The following CORIN variants were observed in gnomAD, a reference collection of about 807,000 sequenced individuals.
CORIN encodes atrial natriuretic peptide-converting enzyme.
In CORIN, 117 loss-of-function variants were observed where a neutral mutation model predicts 125.3. The observed-to-expected ratio is 0.93, with a 90% confidence interval of 0.80 to 1.09. The LOEUF is 1.09. Among genes scored for constraint, CORIN ranks in the 50% least tolerant of loss-of-function variants. The pLI, the probability that CORIN is intolerant of heterozygous loss-of-function variation, is 0.00. For synonymous variants in CORIN, 450 were observed against 466.4 expected, an observed-to-expected ratio of 0.96 and a Z score of 0.45; for missense variants, 1,253 against 1,306.7, an observed-to-expected ratio of 0.96 and a Z score of 0.63.
chr4:47,736,674 C>G (rs1046655970), intron 5 of CORIN, among the ~76,000 whole-genome samples: 2 of 151,868 alleles, frequency 1.3e-5, no homozygotes, highest in African/African-American at 4.8e-5. Flanking sequence ...CAGTCGTTCC[C>G]CTCTATGTGT....
In CORIN at chr4:47,649,476, G is replaced by A. The variant is rs374280189; in HGVS notation, c.1843+4077C>T. Among the ~76,000 whole-genome samples the A allele has an allele frequency of 1.7e-4, 26 of 152,280 alleles. No homozygotes were observed. In the South Asian group the frequency reaches 2.7e-3, roughly 16 times the overall value. ...GCTGGGGCAGCCTTTGAAAGGAATC[G>A]CCTCCTGATTTTCCACCACCACAGC... On this transcript the variant is annotated intron_variant, in intron 13 of 21. Transcript: ENST00000273857.
intron 5 of CORIN, among the ~76,000 whole-genome samples, chr4:47,737,730 T>C (rs986699615): frequency 1.3e-5 from 2 of 152,222 alleles, no homozygotes; most frequent in Admixed American, 6.5e-5. Flanking sequence ...TTTTAGCACC[T>C]AGTGTCAGAC....
chr4:47,749,305 C>A (rs767915316), intron 4 of CORIN, among the ~76,000 whole-genome samples: 46 of 152,130 alleles, frequency 3.0e-4, no homozygotes, highest in Non-Finnish European at 1.0e-4. Context: ...AAGATTGTGA[C>A]TTCTGCATTG....
At chr4:47,769,562 C>T (rs934213780) in intron 3 of CORIN, among the ~76,000 whole-genome samples, 1 of 151,434 alleles carries the variant, frequency 6.6e-6, no homozygotes, top group African/African-American at 2.4e-5. Context: ...AAACAAAGAA[C>T]CAAAAAAAAA....
intron 10 of CORIN, among the ~76,000 whole-genome samples, chr4:47,673,469 G>A (rs957589558): frequency 2.0e-5 from 3 of 151,520 alleles, no homozygotes; most frequent in Non-Finnish European, 4.4e-5. Context: ...GCAGCAAAAA[G>A]TTCATTAGAA....
At chr4:47,743,677 G>C (rs563792821) in intron 5 of CORIN, among the ~76,000 whole-genome samples, 82 of 152,352 alleles carry the variant, frequency 5.4e-4, no homozygotes, top group African/African-American at 1.9e-3. Context: ...ACGACATAAG[G>C]AGTTCAAGAC....
chr4:47,628,716 T>C (rs190584705), intron 16 of CORIN, among the ~76,000 whole-genome samples: 60 of 152,272 alleles, frequency 3.9e-4, no homozygotes, highest in Admixed American at 2.0e-3. Context: ...CATGCAGTGT[T>C]TGTCTTTCTG....
At chr4:47,626,287 A>G (rs1722559597) in intron 17 of CORIN, 118 bp downstream of exon 17, 2 of 671,696 alleles carry the variant, frequency 3.0e-6, no homozygotes, top group Non-Finnish European at 5.4e-6. Flanking sequence ...ATCTATGGAA[A>G]CTCTTTACTG....
In CORIN at chr4:47,763,568, G is replaced by T. The variant is rs144005444; in HGVS notation, c.428C>A (p.Thr143Asn). 1.2e-5 allele frequency: 19 copies of T among 1,613,934 alleles called. No individual in the cohort carries two copies. The African/African-American group carries it at 1.6e-4, about 14-fold the overall frequency. The change falls in exon 4 of 22, where the codon ACC becomes AAC. Residue 143 changes from threonine (T) to asparagine (N), a missense_variant. Physicochemically the swap from Thr to Asn is moderately conservative, Grantham distance 65. Coordinates refer to ENST00000273857, the MANE Select transcript of CORIN (RefSeq NM_006587.4). ...GGGCAGCATCTGACACTGGCTGTGGGTGATGTTCATACAGGCACCTGGGAA... is the reference window on the plus strand; with the variant it reads ...GGGCAGCATCTGACACTGGCTGTGGTTGATGTTCATACAGGCACCTGGGAA... ...HRNTSACMNI[T>N]HSQCQMLPYH...
At chr4:47,609,564 T>C (rs1423420194) in intron 19 of CORIN, among the ~76,000 whole-genome samples, 1 of 151,152 alleles carries the variant, frequency 6.6e-6, no homozygotes, top group Admixed American at 6.7e-5. Flanking sequence ...TAAAAAATTA[T>C]CTGTAACAGG....
intron 5 of CORIN, among the ~76,000 whole-genome samples, chr4:47,734,836 C>G (rs904903713): frequency 1.3e-5 from 2 of 152,166 alleles, no homozygotes; most frequent in Admixed American, 1.3e-4. Flanking sequence ...TAGCAACTCC[C>G]CCTGTTCTCA....
chr4:47,751,384 A>T lies in CORIN; in HGVS notation c.618-6801T>A, dbSNP rs115377290. On this transcript the variant is annotated intron_variant, in intron 4 of 21. Coordinates refer to ENST00000273857, the MANE Select transcript of CORIN (RefSeq NM_006587.4). ...AAAGCCTTTGCCTTCCAGTCAACTT[A>T]GACATTCATATGCAAATAATCACTA... 3.6e-3 allele frequency among the ~76,000 whole-genome samples: 550 copies of T among 152,320 alleles called. 4 individuals are homozygous for T. Among genetic ancestry groups the T allele is most frequent in the African/African-American group, 0.013 (535 of 41,578 alleles).
chr4:47,686,721 A>G (rs1202190714), intron 6 of CORIN, among the ~76,000 whole-genome samples: 3 of 152,210 alleles, frequency 2.0e-5, no homozygotes, highest in African/African-American at 7.2e-5. Flanking sequence ...CCGGGAAATA[A>G]GGCTTCTCAA....
intron 16 of CORIN, 61 bp from the exon 17 acceptor site, chr4:47,626,582 T>G: frequency 9.7e-7 from 1 of 1,028,370 alleles, no homozygotes; most frequent in Non-Finnish European, 1.5e-6. Flanking sequence ...ACAGGCATTA[T>G]CATTATTTAG....
intron 10 of CORIN, among the ~76,000 whole-genome samples, chr4:47,674,016 T>C (rs16860540): frequency 0.022 from 3,320 of 152,292 alleles, 125 homozygotes; most frequent in African/African-American, 0.075. Flanking sequence ...GCTATTTCTA[T>C]GAACTTCATA....
chr4:47,729,898 C>T (rs1218374315), intron 5 of CORIN, among the ~76,000 whole-genome samples: 1 of 152,128 alleles, frequency 6.6e-6, no homozygotes, highest in South Asian at 2.1e-4. Flanking sequence ...GGGAGTTCAG[C>T]GGAGAAGTCT....
chr4:47,706,429 C>T (rs1726556209), intron 5 of CORIN: 3 of 1,609,702 alleles, frequency 1.9e-6, no homozygotes, highest in Non-Finnish European at 2.5e-6. Context: ...TGATGTCACG[C>T]GCTTTCTTCT....
chr4:47,713,057 A>G (rs1275177113), intron 5 of CORIN, among the ~76,000 whole-genome samples: 1 of 152,152 alleles, frequency 6.6e-6, no homozygotes, highest in Non-Finnish European at 1.5e-5. Context: ...TGAGAGGAAA[A>G]ATGGGCTTCT....
chr4:47,621,669 G>T (rs925020764), intron 19 of CORIN, among the ~76,000 whole-genome samples: 2 of 151,984 alleles, frequency 1.3e-5, no homozygotes, highest in African/African-American at 4.8e-5. Flanking sequence ...GCATATTGTG[G>T]TGGTTAATTT....
Sources: gnomAD v4.1 joint callset for allele counts (sites outside exome capture counted in the v4.1 genomes callset) on GRCh38, gnomAD v4.1.1 for gene constraint, MANE v1.5 for transcripts, NCBI Gene and HGNC (gene_info 2026-07-23, HGNC 2026-07-21) for gene names.